IGSF10: variants seen among roughly 807,000 people sequenced by gnomAD.
IGSF10 encodes the protein calvaria mechanical force protein 608.
In IGSF10, 126 loss-of-function variants were observed where a neutral mutation model predicts 128.2. The observed-to-expected ratio is 0.98, with a 90% CI of 0.85 to 1.14. IGSF10 has a LOEUF of 1.14. IGSF10 is among the 50% of genes most tolerant of loss of function. IGSF10 has a pLI of 0.00. For synonymous variants in IGSF10, 1,185 were observed against 1,146.2 expected (o/e 1.03, Z -0.68); for missense variants, 3,295 against 3,149.8 (o/e 1.05, Z -1.10).
At chr3:151,546,296 C>T in the IGSF10 span, among the ~76,000 whole-genome samples, 1 of 152,084 alleles carries the variant, frequency 6.6e-6, no homozygotes, top group Admixed American at 6.6e-5. Context: ...ATACCACCAC[C>T]ATCCCACCAA....
the IGSF10 span, among the ~76,000 whole-genome samples, chr3:151,491,379 C>T: frequency 1.3e-5 from 2 of 152,048 alleles, no homozygotes; most frequent in Admixed American, 6.6e-5. Context: ...GAGGTCAAGA[C>T]CAACCTGGCC....
the IGSF10 span, among the ~76,000 whole-genome samples, chr3:151,589,911 T>C: frequency 1.5e-4 from 23 of 152,230 alleles, no homozygotes; most frequent in Non-Finnish European, 2.5e-4. Context: ...TTTTTTAGAA[T>C]GTCTTCAGTG....
the IGSF10 span, among the ~76,000 whole-genome samples, chr3:151,614,304 A>C: frequency 6.6e-6 from 1 of 152,214 alleles, no homozygotes; most frequent in African/African-American, 2.4e-5. Context: ...CATTTGACCC[A>C]GCCATCCCAT....
the IGSF10 span, among the ~76,000 whole-genome samples, chr3:151,470,440 G>A: frequency 6.6e-6 from 1 of 152,158 alleles, no homozygotes. Flanking sequence ...GGATGTTGCA[G>A]ATTCTGAGTT....
the IGSF10 span, among the ~76,000 whole-genome samples, chr3:151,523,732 T>A: frequency 2.0e-5 from 3 of 152,142 alleles, no homozygotes; most frequent in Non-Finnish European, 4.4e-5. Flanking sequence ...AATACCATCC[T>A]AGGCATAGGA....
chr3:151,534,876 A>G, the IGSF10 span, among the ~76,000 whole-genome samples: 1 of 151,712 alleles, frequency 6.6e-6, no homozygotes, highest in Non-Finnish European at 1.5e-5. Context: ...AAACTACAGA[A>G]TCACCTTCAC....
the IGSF10 span, among the ~76,000 whole-genome samples, chr3:151,479,973 A>C: frequency 6.6e-6 from 1 of 151,900 alleles, no homozygotes; most frequent in Non-Finnish European, 1.5e-5. Context: ...ACAAATCATT[A>C]CTTTTATCAC....
chr3:151,584,081 C>T, the IGSF10 span, among the ~76,000 whole-genome samples: 3 of 151,952 alleles, frequency 2.0e-5, no homozygotes, highest in Non-Finnish European at 2.9e-5. Context: ...TTGTGTATTC[C>T]AGTTTTTAAA....
the IGSF10 span, among the ~76,000 whole-genome samples, chr3:151,545,309 T>C: frequency 1.3e-5 from 2 of 152,160 alleles, no homozygotes; most frequent in African/African-American, 2.4e-5. Context: ...TGAGTGCAGT[T>C]TGGCAGAATT....
chr3:151,569,315 AC>A, the IGSF10 span, among the ~76,000 whole-genome samples: 2 of 152,096 alleles, frequency 1.3e-5, no homozygotes, highest in Non-Finnish European at 2.9e-5. Context: ...TAAGAGATCC[AC>A]CCACCTCAGC....
At chr3:151,478,993 C>T in the IGSF10 span, among the ~76,000 whole-genome samples, 2 of 152,210 alleles carry the variant, frequency 1.3e-5, no homozygotes, top group Non-Finnish European at 2.9e-5. Flanking sequence ...CTAACACCTA[C>T]ACTCTCAGGT....
the IGSF10 span, among the ~76,000 whole-genome samples, chr3:151,584,880 G>A: frequency 6.6e-6 from 1 of 152,216 alleles, no homozygotes; most frequent in Non-Finnish European, 1.5e-5. Flanking sequence ...CAAAGCAGAT[G>A]GGGTGCAGGT....
chr3:151,516,352 C>T, the IGSF10 span, among the ~76,000 whole-genome samples: 3 of 151,990 alleles, frequency 2.0e-5, no homozygotes, highest in African/African-American at 7.2e-5. Flanking sequence ...CTTTCAATTC[C>T]CCACCTCCCC....
At chr3:151,612,928 G>C in the IGSF10 span, among the ~76,000 whole-genome samples, 1 of 152,130 alleles carries the variant, frequency 6.6e-6, no homozygotes, top group African/African-American at 2.4e-5. Flanking sequence ...TTATACTGTT[G>C]GTAGAAGTGT....
the IGSF10 span, among the ~76,000 whole-genome samples, chr3:151,480,737 G>C: frequency 1.3e-5 from 2 of 151,952 alleles, no homozygotes; most frequent in African/African-American, 4.8e-5. Flanking sequence ...AGCTCCTGCA[G>C]AGCCACCCCA....
the IGSF10 span, among the ~76,000 whole-genome samples, chr3:151,502,447 G>A: frequency 6.6e-6 from 1 of 151,936 alleles, no homozygotes; most frequent in Non-Finnish European, 1.5e-5. Context: ...ATTTTGGCAT[G>A]CTATTTGTAG....
chr3:151,475,577 A>G, the IGSF10 span, among the ~76,000 whole-genome samples: 2 of 152,192 alleles, frequency 1.3e-5, no homozygotes, highest in Non-Finnish European at 2.9e-5. Context: ...ACTGTGTTCA[A>G]GTAAGGCAAA....
chr3:151,481,960 T>C, the IGSF10 span, among the ~76,000 whole-genome samples: 1 of 152,198 alleles, frequency 6.6e-6, no homozygotes, highest in East Asian at 1.9e-4. Context: ...AGAAACTGCA[T>C]GGAGATTACT....
chr3:151,452,732 A>C (rs928025622), intron 5 of IGSF10, among the ~76,000 whole-genome samples: 20 of 152,256 alleles, frequency 1.3e-4, no homozygotes, highest in African/African-American at 4.8e-4. Flanking sequence ...GACTTCTAAT[A>C]GGAGTAGATA....
Sources: gnomAD v4.1 joint callset for allele counts (sites outside exome capture counted in the v4.1 genomes callset) on GRCh38, gnomAD v4.1.1 for gene constraint, MANE v1.5 for transcripts, NCBI Gene and HGNC (gene_info 2026-07-23, HGNC 2026-07-21) for gene names.